Variants in OTOA observed in about 807,000 individuals in gnomAD.
OTOA encodes the protein cancer/testis antigen 108.
Under a neutral mutation model 110.8 loss-of-function variants are expected in OTOA, and 70 were observed. The observed-to-expected ratio is 0.63, with a 90% CI of 0.52 to 0.77. The LOEUF (loss-of-function observed/expected upper bound fraction) is 0.77, where lower values mean the gene tolerates loss of function less well. OTOA is among the 30% of genes least tolerant of loss of function. The probability of loss-of-function intolerance (pLI) is 0.00; values close to 1 mark genes in which losing one functional copy is unlikely to be tolerated. For synonymous variants in OTOA, 373 were observed against 431.5 expected, an observed-to-expected ratio of 0.86 and a Z score of 1.68; for missense variants, 917 against 1,075.8, an observed-to-expected ratio of 0.85 and a Z score of 2.06.
In OTOA at chr16:21,717,190, A is replaced by C. The variant is rs1305699618; in HGVS notation, c.1629+143A>C. 16 of 1,262,606 alleles carry C rather than the reference A, an allele frequency of 1.3e-5. No individual in the cohort carries two copies. In the East Asian group the frequency reaches 4.1e-4, roughly 32 times the overall value. 78.2% of individuals were successfully genotyped at this position (1,262,606 alleles called of 1,614,324 possible). ...GAGGCAGAATAGTATAGTGTTAAGAATTTGGACAGGCTGAGGCAGGAGGAT... is the reference window on the plus strand; with the variant it reads ...GAGGCAGAATAGTATAGTGTTAAGACTTTGGACAGGCTGAGGCAGGAGGAT... On this transcript the variant is annotated intron_variant, in intron 15 of 28. Coordinates refer to ENST00000646100, the MANE Select transcript of OTOA (RefSeq NM_144672.4).
intron 14 of OTOA, 152 bp from the exon 15 acceptor site, chr16:21,716,755 C>A: frequency 1.2e-6 from 1 of 861,456 alleles, no homozygotes; most frequent in Non-Finnish European, 1.9e-6. Context: ...TCTGTTTCCT[C>A]ACCTGTGAAA....
At chr16:21,703,519 A>G (rs1898093601) in intron 11 of OTOA, among the ~76,000 whole-genome samples, 1 of 152,098 alleles carries the variant, frequency 6.6e-6, no homozygotes, top group African/African-American at 2.4e-5. Context: ...AAATCCATTC[A>G]TCCACTGACG....
intron 24 of OTOA, among the ~76,000 whole-genome samples, chr16:21,751,433 G>A (rs1899820751): frequency 1.9e-5 from 1 of 51,674 alleles, no homozygotes; most frequent in Non-Finnish European, 4.8e-5. Flanking sequence ...GCTAAAGCAC[G>A]AGAATTGCTT....
chr16:21,728,323 G>A lies in OTOA; in HGVS notation c.2099G>A (p.Gly700Glu), dbSNP rs1381645905. The A allele has an allele frequency of 6.2e-7, 1 of 1,613,940 alleles. No homozygotes were observed. The change falls in exon 20 of 29, where the codon GGG becomes GAG. Residue 700 changes from glycine (G) to glutamate (E), a missense_variant. Transcript: ENST00000646100. ...CHLPAAIIDR[G>E]ISPRAWATAL... ...TTGCCGGCAGCCATCATCGACAGGG[G>A]GATCTCCCCCAGGGCTTGGGCGACT...
intron 1 of OTOA, among the ~76,000 whole-genome samples, chr16:21,675,063 G>GTCTTTCTTTCTTTCTTTCTT (rs199797416): frequency 6.5e-5 from 8 of 123,256 alleles, no homozygotes; most frequent in South Asian, 2.8e-4. Context: ...TTTTCTTTCT[G>GTCTTTCTTTCTTTCTTTCTT]TCTTTCTTTC....
chr16:21,733,859 G>C (rs1030548183), intron 21 of OTOA, among the ~76,000 whole-genome samples: 1 of 152,144 alleles, frequency 6.6e-6, no homozygotes, highest in African/African-American at 2.4e-5. Context: ...GAATGCAGTG[G>C]CACGATTTCG....
intron 1 of OTOA, among the ~76,000 whole-genome samples, chr16:21,671,042 G>A (rs1339960580): frequency 6.6e-6 from 1 of 152,138 alleles, no homozygotes; most frequent in African/African-American, 2.4e-5. Flanking sequence ...TATCTTGAGG[G>A]TAATGGGGAG....
chr16:21,704,704 A>G (rs185756396), intron 11 of OTOA, among the ~76,000 whole-genome samples: 69 of 152,286 alleles, frequency 4.5e-4, no homozygotes, highest in African/African-American at 1.6e-3. Context: ...ACACTGAAGC[A>G]CTAGGTTTTT....
rs764245507 is a variant in OTOA at position 21,715,109 on chromosome 16, T to C, written c.1445T>C (p.Val482Ala). 5.0e-6 allele frequency: 8 copies of C among 1,614,090 alleles called. No homozygotes were observed. In the Admixed American group the frequency reaches 1.2e-4, roughly 24 times the overall value. ...CTGAGAAGTGCCGTCTCCCAGTATG[T>C]ATCCGACTTGTCACCTGCCCAGCAG... ...QVLRSAVSQY[V>A]SDLSPAQQQG... is the part of the protein sequence containing the mutation. Residue 482 changes from valine (V) to alanine (A), a missense_variant, in exon 14 of 29, where the codon GTA becomes GCA. Val to Ala is a moderately conservative substitution (Grantham distance 64). Around this residue, in one of 6 missense-constraint regions of OTOA, gnomAD observed 840 missense variants for 910.2 expected, o/e 0.92. Coordinates refer to ENST00000646100, the MANE Select transcript of OTOA (RefSeq NM_144672.4).
chr16:21,690,247 T>C (rs1265949057), intron 8 of OTOA, among the ~76,000 whole-genome samples: 1 of 152,048 alleles, frequency 6.6e-6, no homozygotes, highest in Non-Finnish European at 1.5e-5. Context: ...GTTACATAGG[T>C]AAACGTGTAC....
intron 11 of OTOA, among the ~76,000 whole-genome samples, chr16:21,704,676 T>G (rs1898119042): frequency 6.6e-6 from 1 of 152,076 alleles, no homozygotes; most frequent in Non-Finnish European, 1.5e-5. Context: ...TGTTTGCCCA[T>G]GCGCAATGGA....
chr16:21,726,081 G>A (rs756214308), intron 18 of OTOA, among the ~76,000 whole-genome samples: 12 of 151,970 alleles, frequency 7.9e-5, no homozygotes, highest in East Asian at 5.8e-4. Context: ...CTCTCTCCTC[G>A]TTGTCTCTTT....
At chr16:21,677,321 C>T (rs2141651308) in intron 1 of OTOA, among the ~76,000 whole-genome samples, 1 of 152,228 alleles carries the variant, frequency 6.6e-6, no homozygotes, top group Admixed American at 6.5e-5. Flanking sequence ...TCATCACCAA[C>T]ATTTGATAGT....
chr16:21,686,352 A>G (rs1897711865), intron 7 of OTOA, among the ~76,000 whole-genome samples: 1 of 151,456 alleles, frequency 6.6e-6, no homozygotes, highest in African/African-American at 2.4e-5. Context: ...GCAGTGGTAT[A>G]ATTATAGCTC....
At chr16:21,670,790 G>T (rs1166819778) in intron 1 of OTOA, among the ~76,000 whole-genome samples, 1 of 152,206 alleles carries the variant, frequency 6.6e-6, no homozygotes, top group Non-Finnish European at 1.5e-5. Context: ...CTGGCTAATT[G>T]CTTTGGCCTG....
Position 21,722,971 on chromosome 16 carries a change from G to C in OTOA, c.1873G>C (p.Ala625Pro). Residue 625 changes from alanine (A) to proline (P), a missense_variant, in exon 18 of 29, where the codon GCA becomes CCA. By Grantham distance (27) the Ala-to-Pro change is conservative (BLOSUM62 -1). Around this residue, in one of 6 missense-constraint regions of OTOA, gnomAD observed 840 missense variants for 910.2 expected, o/e 0.92. Transcript: ENST00000646100. ...RLSMPPFLLAALPARYLASVP... is the reference protein window; with the variant it reads ...RLSMPPFLLAPLPARYLASVP... ...GTCTATGCCACCTTTCCTCTTGGCTGCACTCCCGTAAGTGAACATCAGCCC... is the reference window on the plus strand; with the variant it reads ...GTCTATGCCACCTTTCCTCTTGGCTCCACTCCCGTAAGTGAACATCAGCCC... 3 of 1,614,026 alleles carry C rather than the reference G, an allele frequency of 1.9e-6. No homozygotes were observed. Among genetic ancestry groups the C allele is most frequent in the Non-Finnish European group, 2.5e-6 (3 of 1,179,916 alleles).
chr16:21,675,643 A>T (rs1244480741), intron 1 of OTOA, among the ~76,000 whole-genome samples: 1 of 151,996 alleles, frequency 6.6e-6, no homozygotes, highest in Admixed American at 6.6e-5. Context: ...TGCAGTGTCT[A>T]ATATGCTGTT....
intron 9 of OTOA, among the ~76,000 whole-genome samples, chr16:21,697,047 T>TTTTTTTTTTTTTTTG (rs1897958116): frequency 7.2e-6 from 1 of 138,846 alleles, no homozygotes; most frequent in Non-Finnish European, 1.5e-5. Context: ...CTTTTTTTTT[T>TTTTTTTTTTTTTTTG]TTTTTTTTTT....
Position 21,719,374 on chromosome 16 carries a change from T to C in OTOA, c.1689-13T>C. On this transcript the variant is annotated splice_polypyrimidine_tract_variant and intron_variant, in intron 16 of 28. Coordinates refer to ENST00000646100, the MANE Select transcript of OTOA (RefSeq NM_144672.4). Reference sequence around the variant, plus strand: ...CTTCCTTCCTCTCCCGAGTGCCTTGTTTTGTTTTCTAGTGCTGGGCAGCTG... The same window carrying C: ...CTTCCTTCCTCTCCCGAGTGCCTTGCTTTGTTTTCTAGTGCTGGGCAGCTG... 6.2e-7 allele frequency: 1 copy of C among 1,613,286 alleles called. No homozygotes were observed. The highest frequency in any genetic ancestry group is 8.5e-7 in the Non-Finnish European group (1 of 1,179,268).
Sources: gnomAD v4.1 joint callset for allele counts (sites outside exome capture counted in the v4.1 genomes callset) on GRCh38, gnomAD v4.1.1 for gene constraint, gnomAD v4.1.1 regional missense constraint, MANE v1.5 for transcripts, NCBI Gene and HGNC (gene_info 2026-07-23, HGNC 2026-07-21) for gene names.